Variants in SORBS2 observed in about 807,000 individuals in gnomAD.
SORBS2 encodes sorbin and SH3 domain-containing protein 2.
Under a neutral mutation model 97.7 loss-of-function variants are expected in SORBS2, and 46 were observed. The observed-to-expected ratio is 0.47, with a 90% CI of 0.37 to 0.60. The LOEUF (loss-of-function observed/expected upper bound fraction) is 0.60. Among genes scored for constraint, SORBS2 ranks in the 20% least tolerant of loss-of-function variants. The pLI, the probability that SORBS2 is intolerant of heterozygous loss-of-function variation, is 0.00. For missense variants in SORBS2, 1,316 were observed against 1,282.3 expected (o/e 1.03, Z -0.40); for synonymous variants, 476 against 473.4 (o/e 1.01, Z -0.07).
rs529133021 is a variant in SORBS2, at chr4:185,762,453, G to A, written c.-198+12774C>T. On this transcript the variant is annotated intron_variant, in intron 2 of 20. Coordinates refer to the SORBS2 transcript ENST00000284776. ...CAGGGAAGATTACAGAGATTTAGAC[G>A]AGAGGGACAGAACCCAAGGGAGTAA... is the stretch of plus-strand genomic sequence containing the variant. Among the ~76,000 whole-genome samples the A allele has an allele frequency of 3.3e-5, 5 of 151,798 alleles. No individual in the cohort carries two copies. In the East Asian group the frequency reaches 5.8e-4, roughly 18 times the overall value.
At chr4:185,885,480 T>C (rs1250861626) in intron 1 of SORBS2, among the ~76,000 whole-genome samples, 2 of 152,222 alleles carry the variant, frequency 1.3e-5, no homozygotes, top group Non-Finnish European at 2.9e-5. Context: ...ATCACTTCCA[T>C]ACACATAGAC....
chr4:185,931,041 T>C (rs962834204), intron 1 of SORBS2, among the ~76,000 whole-genome samples: 1 of 138,896 alleles, frequency 7.2e-6, no homozygotes, highest in Non-Finnish European at 1.6e-5. Context: ...ATATTTAAAG[T>C]GATGATATCT....
At chr4:185,620,467 T>A (rs977513800) in intron 7 of SORBS2, among the ~76,000 whole-genome samples, 1 of 152,202 alleles carries the variant, frequency 6.6e-6, no homozygotes. Flanking sequence ...TCATATAAAT[T>A]TTTTCCAAAG....
intron 2 of SORBS2, among the ~76,000 whole-genome samples, chr4:185,723,754 G>T (rs1435759466): frequency 6.6e-6 from 1 of 152,106 alleles, no homozygotes; most frequent in Non-Finnish European, 1.5e-5. Context: ...GTGGAGTTGA[G>T]GAAAGAAAGT....
At chr4:185,709,079 G>A (rs1047172424) in intron 2 of SORBS2, among the ~76,000 whole-genome samples, 6 of 152,062 alleles carry the variant, frequency 3.9e-5, no homozygotes, top group South Asian at 2.1e-4. Flanking sequence ...GTGCAGTGGC[G>A]GGATCTCTGC....
chr4:185,907,920 G>A (rs908943730), intron 1 of SORBS2, among the ~76,000 whole-genome samples: 1 of 152,064 alleles, frequency 6.6e-6, no homozygotes, highest in African/African-American at 2.4e-5. Flanking sequence ...CTGCCTTTAA[G>A]AGAATTGAAA....
At chr4:185,816,870 A>G (rs1056786523) in intron 1 of SORBS2, among the ~76,000 whole-genome samples, 4 of 152,246 alleles carry the variant, frequency 2.6e-5, no homozygotes, top group African/African-American at 9.6e-5. Flanking sequence ...ACCGTTCAAC[A>G]AACTGGAGAG....
chr4:185,641,467 G>A (rs1332413746), intron 4 of SORBS2, among the ~76,000 whole-genome samples: 1 of 152,094 alleles, frequency 6.6e-6, no homozygotes, highest in Admixed American at 6.5e-5. Context: ...GTCCTATGGT[G>A]ACCTGGAGGC....
rs114972628 is a variant in SORBS2, at chr4:185,849,074, G to A, written c.-337-73708C>T. Among the ~76,000 whole-genome samples the A allele has an allele frequency of 4.2e-3, 636 of 152,254 alleles. 2 individuals carry two copies. The highest frequency in any genetic ancestry group is 7.5e-3 in the Non-Finnish European group (512 of 68,024). ...ATTTTGGACAATGCCCATCAATCACGAGAATGATGTTAGAACCACCTCTTA... is the reference window on the plus strand; with the variant it reads ...ATTTTGGACAATGCCCATCAATCACAAGAATGATGTTAGAACCACCTCTTA... On this transcript the variant is annotated intron_variant, in intron 1 of 20. Coordinates refer to the SORBS2 transcript ENST00000284776.
chr4:185,726,392 T>C (rs2098554527), intron 2 of SORBS2, among the ~76,000 whole-genome samples: 1 of 152,186 alleles, frequency 6.6e-6, no homozygotes, highest in Admixed American at 6.5e-5. Flanking sequence ...TCGTACCTTA[T>C]GTATAACAGG....
upstream of SORBS2, among the ~76,000 whole-genome samples, chr4:185,658,725 T>A (rs1905820): frequency 0.023 from 3,144 of 139,444 alleles, 119 homozygotes; most frequent in African/African-American, 0.078. Context: ...GGAGTCTCGC[T>A]CTGTCACCCA....
At chr4:185,722,474 T>C (rs1397625340) in intron 2 of SORBS2, among the ~76,000 whole-genome samples, 1 of 152,232 alleles carries the variant, frequency 6.6e-6, no homozygotes, top group African/African-American at 2.4e-5. Flanking sequence ...AGCAGCTACA[T>C]TGCCTTTTTG....
At chr4:185,816,365 T>C (rs1262167339) in intron 1 of SORBS2, among the ~76,000 whole-genome samples, 1 of 152,222 alleles carries the variant, frequency 6.6e-6, no homozygotes, top group Non-Finnish European at 1.5e-5. Flanking sequence ...AATTGAAGCA[T>C]GGTTTATGAG....
chr4:185,927,441 C>T (rs940496743), intron 1 of SORBS2, among the ~76,000 whole-genome samples: 1 of 151,822 alleles, frequency 6.6e-6, no homozygotes, highest in East Asian at 2.0e-4. Context: ...TCCCCTTGCC[C>T]CCCACCCCCT....
chr4:185,955,782 A>G (rs1465685562), intron 1 of SORBS2, among the ~76,000 whole-genome samples: 1 of 152,166 alleles, frequency 6.6e-6, no homozygotes, highest in Non-Finnish European at 1.5e-5. Flanking sequence ...TCTACCTTTG[A>G]TCAGCAATTT....
chr4:185,846,929 T>C (rs1372283290), intron 1 of SORBS2, among the ~76,000 whole-genome samples: 1 of 152,124 alleles, frequency 6.6e-6, no homozygotes, highest in Non-Finnish European at 1.5e-5. Flanking sequence ...AAATAAAAAC[T>C]AGGGAAAGGA....
rs1304625656 is a variant in SORBS2, at chr4:185,623,204, A to G, written c.1925T>C (p.Ile642Thr). The stretch of plus-strand genomic sequence containing the variant: ...CTTTTCAGCTTTAATTTGGTCACAG[A>G]TGTCTTTAAGGGCAGAGTCCAGAGC... The change falls in exon 7 of 15, where the codon ATC becomes ACC. Residue 642 changes from isoleucine (I) to threonine (T), a missense_variant. Transcript: ENST00000418609. The surrounding 1 kb of genome is among the most constrained non-coding windows in gnomAD (Gnocchi z 6.4). The G allele has an allele frequency of 5.0e-6, 8 of 1,613,856 alleles. No homozygotes were observed. In the South Asian group the frequency reaches 8.8e-5, roughly 18 times the overall value.
intron 11 of SORBS2, among the ~76,000 whole-genome samples, chr4:185,613,135 C>A (rs1427983967): frequency 6.6e-6 from 1 of 152,186 alleles, no homozygotes; most frequent in African/African-American, 2.4e-5. Context: ...GCAAAAACTG[C>A]AGCTGCATTC....
intron 1 of SORBS2, among the ~76,000 whole-genome samples, chr4:185,806,508 A>ACT (rs1561149746): frequency 3.2e-4 from 38 of 118,576 alleles, no homozygotes; most frequent in Admixed American, 1.3e-3. Flanking sequence ...CCCAGGCTGG[A>ACT]GTGCAGTGGC....
Sources: allele counts gnomAD v4.1 joint callset (sites outside exome capture counted in the v4.1 genomes callset), GRCh38; gene constraint gnomAD v4.1.1; non-coding constraint Gnocchi (gnomAD v3.1); transcripts MANE v1.5; gene names NCBI Gene and HGNC (gene_info 2026-07-23, HGNC 2026-07-21).